Variants in MSRA observed in about 807,000 individuals in gnomAD.
The protein encoded by MSRA is mitochondrial peptide methionine sulfoxide reductase.
Under a neutral mutation model 31.3 loss-of-function variants are expected in MSRA, and 54 were observed. The ratio of observed to expected loss-of-function variants is 1.73; its 90% CI spans 1.39 to 2.17. MSRA has a LOEUF of 2.17. Ranked by LOEUF, MSRA falls within the 30% of genes most tolerant of loss-of-function variation. MSRA has a pLI of 0.00. For missense variants in MSRA, 507 were observed against 300.9 expected, an observed-to-expected ratio of 1.69 and a Z score of -5.07; for synonymous variants, 169 against 116.5, an observed-to-expected ratio of 1.45 and a Z score of -2.90.
At position 10,126,992 on chromosome 8, in the gene MSRA, C is replaced by T. The variant is rs1003873293; in HGVS notation, c.142+72334C>T. Among the ~76,000 whole-genome samples, 4 of 152,228 alleles carry T rather than the reference C, an allele frequency of 2.6e-5. No homozygotes were observed. The East Asian group carries it at 7.7e-4, about 29-fold the overall frequency. On this transcript the variant is annotated intron_variant, in intron 1 of 5. Coordinates refer to ENST00000317173, the MANE Select transcript of MSRA (RefSeq NM_012331.5). ...CTGTGCGGCCTGGTTCCCAACAGGC[C>T]ACAGCCTGGTCCACTAGCTAGGGGT... is the stretch of plus-strand genomic sequence containing the variant.
At chr8:10,237,278 T>G (rs1812026170) in intron 2 of MSRA, among the ~76,000 whole-genome samples, 1 of 152,246 alleles carries the variant, frequency 6.6e-6, no homozygotes, top group African/African-American at 2.4e-5. Flanking sequence ...GTCTGCCAGT[T>G]AAGATGATGT....
At chr8:10,289,666 T>C (rs1456304636) in intron 3 of MSRA, among the ~76,000 whole-genome samples, 1 of 152,220 alleles carries the variant, frequency 6.6e-6, no homozygotes, top group African/African-American at 2.4e-5. Context: ...TGAAAACATA[T>C]TGGACTTGAT....
chr8:10,061,360 C>G (rs535756523), intron 1 of MSRA, among the ~76,000 whole-genome samples: 2 of 152,244 alleles, frequency 1.3e-5, no homozygotes, highest in Non-Finnish European at 2.9e-5. Context: ...AAGGAAGCAT[C>G]CTTGAAATTT....
chr8:10,227,789 G>A (rs551814237), intron 2 of MSRA, among the ~76,000 whole-genome samples: 30 of 152,216 alleles, frequency 2.0e-4, no homozygotes, highest in East Asian at 7.7e-4. Context: ...TCAATCAACC[G>A]CTAATTGCTA....
chr8:10,417,582 G>A (rs1175520085), intron 5 of MSRA, among the ~76,000 whole-genome samples: 1 of 152,100 alleles, frequency 6.6e-6, no homozygotes, highest in African/African-American at 2.4e-5. Flanking sequence ...AGGAGCCTCT[G>A]CCCAGCTCAG....
At chr8:10,089,956 C>T (rs190975406) in intron 1 of MSRA, among the ~76,000 whole-genome samples, 167 of 152,278 alleles carry the variant, frequency 1.1e-3, no homozygotes, top group African/African-American at 3.8e-3. Context: ...CACCACCTCC[C>T]AACACCATCA....
At chr8:10,341,648 A>T (rs951188577) in intron 5 of MSRA, among the ~76,000 whole-genome samples, 1 of 152,188 alleles carries the variant, frequency 6.6e-6, no homozygotes, top group Admixed American at 6.5e-5. Flanking sequence ...AAACTTAGGT[A>T]CCTGTTTGAG....
At chr8:10,257,509 C>T (rs1045649016) in intron 3 of MSRA, among the ~76,000 whole-genome samples, 9 of 152,232 alleles carry the variant, frequency 5.9e-5, no homozygotes, top group Admixed American at 1.3e-4. Flanking sequence ...CTGGCTCAAG[C>T]GATTCTCCTG....
At chr8:10,243,348 A>G (rs1335814008) in intron 2 of MSRA, among the ~76,000 whole-genome samples, 2 of 152,136 alleles carry the variant, frequency 1.3e-5, no homozygotes, top group African/African-American at 4.8e-5. Context: ...CCACTCACCT[A>G]CAGCTTGTCC....
At position 10,207,920 on chromosome 8, in the gene MSRA, A is replaced by G. The variant is rs753276012; in HGVS notation, c.211+19A>G. On this transcript the variant is annotated intron_variant, in intron 2 of 5. Coordinates refer to ENST00000317173, the MANE Select transcript of MSRA (RefSeq NM_012331.5). Reference sequence around the variant, plus strand: ...GTATTTGGTAAGATATCAATTCTGAAAGAAAACCCAAATTGTGTGCAAAGA... The same window carrying G: ...GTATTTGGTAAGATATCAATTCTGAGAGAAAACCCAAATTGTGTGCAAAGA... 1.2e-6 allele frequency: 2 copies of G among 1,601,720 alleles called. No homozygotes were observed. Among genetic ancestry groups the G allele is most frequent in the Non-Finnish European group, 1.7e-6 (2 of 1,171,700 alleles).
intron 5 of MSRA, among the ~76,000 whole-genome samples, chr8:10,426,826 C>G (rs1007366645): frequency 2.0e-5 from 3 of 152,202 alleles, no homozygotes; most frequent in Non-Finnish European, 4.4e-5. Context: ...TCAATAATTG[C>G]TAGTTTACAA....
chr8:10,227,702 A>G (rs2129071095), intron 2 of MSRA, among the ~76,000 whole-genome samples: 1 of 152,356 alleles, frequency 6.6e-6, no homozygotes, highest in East Asian at 1.9e-4. Flanking sequence ...GGCTGAAAAG[A>G]AAAATTAATC....
At chr8:10,078,855 A>G (rs1267595012) in intron 1 of MSRA, among the ~76,000 whole-genome samples, 1 of 152,248 alleles carries the variant, frequency 6.6e-6, no homozygotes, top group Non-Finnish European at 1.5e-5. Context: ...CTGCAGCTGA[A>G]TTAACATGGA....
chr8:10,230,540 T>C (rs1454631161), intron 2 of MSRA, among the ~76,000 whole-genome samples: 1 of 152,104 alleles, frequency 6.6e-6, no homozygotes, highest in Non-Finnish European at 1.5e-5. Context: ...TATATGAAAA[T>C]ACAAAAGAAA....
At chr8:10,292,481 C>A (rs1800294049) in intron 3 of MSRA, among the ~76,000 whole-genome samples, 1 of 152,230 alleles carries the variant, frequency 6.6e-6, no homozygotes, top group Non-Finnish European at 1.5e-5. Flanking sequence ...AAGGAAACAC[C>A]ACTTTTTGCA....
intron 1 of MSRA, among the ~76,000 whole-genome samples, chr8:10,196,090 C>T (rs1009679102): frequency 1.3e-5 from 2 of 152,202 alleles, no homozygotes; most frequent in Non-Finnish European, 2.9e-5. Context: ...ACTCCCCGCT[C>T]AGCTGCTCTC....
intron 5 of MSRA, among the ~76,000 whole-genome samples, chr8:10,344,360 G>A (rs1018950602): frequency 1.3e-5 from 2 of 151,582 alleles, no homozygotes; most frequent in African/African-American, 4.9e-5. Flanking sequence ...TGGATCACAA[G>A]GTCAGGAGTT....
chr8:10,134,599 A>G (rs1354524508), intron 1 of MSRA, among the ~76,000 whole-genome samples: 2 of 152,162 alleles, frequency 1.3e-5, no homozygotes, highest in Non-Finnish European at 2.9e-5. Flanking sequence ...GTCTAAGTTT[A>G]CCCGTGACCT....
chr8:10,093,547 A>T (rs193153507), intron 1 of MSRA, among the ~76,000 whole-genome samples: 23 of 152,282 alleles, frequency 1.5e-4, no homozygotes, highest in African/African-American at 3.8e-4. Context: ...CAACAGTTCT[A>T]TGCTTTTGTC....
Sources: gnomAD v4.1 joint callset for allele counts (sites outside exome capture counted in the v4.1 genomes callset) on GRCh38, gnomAD v4.1.1 for gene constraint, MANE v1.5 for transcripts, NCBI Gene and HGNC (gene_info 2026-07-23, HGNC 2026-07-21) for gene names.